The following MEIG1 variants were observed in gnomAD, a reference collection of about 807,000 sequenced individuals.
MEIG1 encodes the protein meiosis/spermiogenesis associated 1, also known as meiosis expressed gene 1 protein homolog.
MEIG1 carries 12 observed loss-of-function variants against 11.3 expected under a neutral mutation model. That is an observed-to-expected ratio of 1.07 (90% CI 0.68 to 1.73). MEIG1 has a LOEUF of 1.73. Among genes scored for constraint, MEIG1 ranks in the 40% most tolerant of loss-of-function variants. The probability of loss-of-function intolerance (pLI) is 0.00; values close to 1 mark genes in which losing one functional copy is unlikely to be tolerated. For missense variants in MEIG1, 119 were observed against 104.9 expected (o/e 1.13, Z -0.59); for synonymous variants, 41 against 33.2 (o/e 1.24, Z -0.81).
chr10:14,968,979 G>A (rs1006051706), intron 2 of MEIG1, among the ~76,000 whole-genome samples: 3 of 152,058 alleles, frequency 2.0e-5, no homozygotes, highest in African/African-American at 7.2e-5. Context: ...TCGGGAGGCC[G>A]AGGCAGGAGA....
At chr10:14,984,231 T>G (rs1843294991) in intron 1 of MEIG1, among the ~76,000 whole-genome samples, 1 of 126,386 alleles carries the variant, frequency 7.9e-6, no homozygotes, top group African/African-American at 3.6e-5. Context: ...CCCTGCGATG[T>G]GGATCGTAAT....
chr10:14,958,528 T>G (rs1403809034), upstream of MEIG1, among the ~76,000 whole-genome samples: 1 of 152,226 alleles, frequency 6.6e-6, no homozygotes, highest in African/African-American at 2.4e-5. Context: ...AGAGCTCTAA[T>G]GAGCTGGCTC....
At chr10:14,959,851 C>T (rs1452614457) in intron 1 of MEIG1, among the ~76,000 whole-genome samples, 1 of 152,232 alleles carries the variant, frequency 6.6e-6, no homozygotes, top group South Asian at 2.1e-4. Flanking sequence ...GATTTGGGCC[C>T]TAGATTTTGG....
downstream of MEIG1, among the ~76,000 whole-genome samples, chr10:14,976,254 T>C (rs557996832): frequency 2.0e-5 from 3 of 152,288 alleles, no homozygotes; most frequent in East Asian, 1.9e-4. Flanking sequence ...CACCGGGGTA[T>C]ACACCCTGCT....
At chr10:14,977,614 T>A (rs1399104027), downstream of MEIG1, among the ~76,000 whole-genome samples, 2 of 151,762 alleles carry the variant, frequency 1.3e-5, no homozygotes, top group African/African-American at 4.9e-5. Context: ...GGGATATTAT[T>A]TGTAATTTCT....
chr10:14,977,449 G>GATGT (rs1843220698), downstream of MEIG1, among the ~76,000 whole-genome samples: 1 of 151,948 alleles, frequency 6.6e-6, no homozygotes, highest in Non-Finnish European at 1.5e-5. Flanking sequence ...AAGTTACAGG[G>GATGT]ATGTACACCG....
chr10:14,979,882 A>G (rs1011457280), intron 1 of MEIG1, among the ~76,000 whole-genome samples: 2 of 152,082 alleles, frequency 1.3e-5, no homozygotes, highest in Non-Finnish European at 2.9e-5. Context: ...TATTCGTTAT[A>G]TCGTAGAAGT....
chr10:14,979,707 C>T (rs1365550214), intron 1 of MEIG1, among the ~76,000 whole-genome samples: 2 of 151,922 alleles, frequency 1.3e-5, no homozygotes, highest in African/African-American at 4.8e-5. Flanking sequence ...ATCTTAATGT[C>T]ATAGGGTGTG....
upstream of MEIG1, among the ~76,000 whole-genome samples, chr10:14,955,547 T>C (rs1842923058): frequency 6.6e-6 from 1 of 151,810 alleles, no homozygotes; most frequent in African/African-American, 2.4e-5. Flanking sequence ...CTACTAAAAA[T>C]ACAAAAATCG....
downstream of MEIG1, among the ~76,000 whole-genome samples, chr10:14,976,050 G>T (rs996122474): frequency 2.0e-5 from 3 of 152,144 alleles, no homozygotes; most frequent in Non-Finnish European, 4.4e-5. Context: ...TCCAGGGGGG[G>T]ACCGGGGGGT....
chr10:14,971,502 C>T (rs1017289238), intron 2 of MEIG1, among the ~76,000 whole-genome samples: 8 of 151,650 alleles, frequency 5.3e-5, no homozygotes, highest in African/African-American at 1.9e-4. Flanking sequence ...ATGATCACAA[C>T]ACCGCACTAC....
chr10:14,974,724 A>C (rs994216132), downstream of MEIG1, among the ~76,000 whole-genome samples: 1 of 152,124 alleles, frequency 6.6e-6, no homozygotes, highest in Non-Finnish European at 1.5e-5. Context: ...CGATAACAAT[A>C]AATGATTAAT....
At chr10:14,973,712 G>T (rs1232314447), downstream of MEIG1, among the ~76,000 whole-genome samples, 2 of 135,266 alleles carry the variant, frequency 1.5e-5, no homozygotes, top group Non-Finnish European at 3.1e-5. Context: ...AGAGCTTGCA[G>T]TGAGCCAAGA....
chr10:14,985,786 TC>T (rs1476125210), intron 1 of MEIG1, among the ~76,000 whole-genome samples: 1 of 151,984 alleles, frequency 6.6e-6, no homozygotes, highest in Non-Finnish European at 1.5e-5. Flanking sequence ...TTATTTGTAA[TC>T]CCCTAGAGAG....
At chr10:14,981,855 CT>C (rs1404797804) in intron 1 of MEIG1, among the ~76,000 whole-genome samples, 1 of 152,222 alleles carries the variant, frequency 6.6e-6, no homozygotes, top group East Asian at 1.9e-4. Context: ...TCCCTTGCTT[CT>C]TTGGGGGGAC....
upstream of MEIG1, among the ~76,000 whole-genome samples, chr10:14,958,692 C>G (rs1660186898): frequency 6.6e-6 from 1 of 152,134 alleles, no homozygotes; most frequent in South Asian, 2.1e-4. Context: ...GTCAGGAGAT[C>G]GAGATCATCC....
chr10:14,974,213 T>C (rs1251883007), downstream of MEIG1, among the ~76,000 whole-genome samples: 2 of 152,104 alleles, frequency 1.3e-5, no homozygotes, highest in Non-Finnish European at 2.9e-5. Flanking sequence ...CCTTCCATAC[T>C]CTTGGGGGTT....
At chr10:14,982,905 A>T (rs189830114) in intron 1 of MEIG1, among the ~76,000 whole-genome samples, 423 of 152,274 alleles carry the variant, frequency 2.8e-3, no homozygotes, top group African/African-American at 9.1e-3. Flanking sequence ...TATTGATCTT[A>T]TTCATTAGAA....
intron 1 of MEIG1, among the ~76,000 whole-genome samples, chr10:14,964,564 A>AGTGTGTGTGTGT (rs151283080): frequency 1.7e-4 from 18 of 104,452 alleles, no homozygotes; most frequent in African/African-American, 6.1e-4. Flanking sequence ...TGTATATAAG[A>AGTGTGTGTGTGT]GTGTGTGTGT....
Sources: gnomAD v4.1 joint callset for allele counts (sites outside exome capture counted in the v4.1 genomes callset) on GRCh38, gnomAD v4.1.1 for gene constraint, MANE v1.5 for transcripts, NCBI Gene and HGNC (gene_info 2026-07-23, HGNC 2026-07-21) for gene names.